BABAM2: variants seen among roughly 807,000 people sequenced by gnomAD.
The protein encoded by BABAM2 is BRISC and BRCA1-A complex member 2.
Under a neutral mutation model 54.7 loss-of-function variants are expected in BABAM2, and 31 were observed. That is an observed-to-expected ratio of 0.57 (90% CI 0.43 to 0.77). The LOEUF (loss-of-function observed/expected upper bound fraction) is 0.77, where lower values mean the gene tolerates loss of function less well. BABAM2 is among the 30% of genes least tolerant of loss of function. The probability of loss-of-function intolerance (pLI) is 0.00; values close to 1 mark genes in which losing one functional copy is unlikely to be tolerated. For missense variants in BABAM2, 364 were observed against 455.8 expected (o/e 0.80, Z 1.83); for synonymous variants, 167 against 162.9 (o/e 1.03, Z -0.19).
Position 28,093,271 on chromosome 2 carries a change from GTTGTT to G in BABAM2, c.571-35987_571-35983del, listed in dbSNP as rs1247054358. On this transcript the variant is annotated intron_variant, in intron 6 of 11. Coordinates refer to ENST00000379624, the MANE Select transcript of BABAM2 (RefSeq NM_199191.3). ...TAGGTTGTTTTGTTTTCTGTTTTGG[GTTGTT>G]TTGTTTTGTTTTAGCATTTTAAGAG... 2.0e-5 allele frequency among the ~76,000 whole-genome samples: 3 copies of G among 152,246 alleles called. No individual in the cohort carries two copies. In the East Asian group the frequency reaches 5.8e-4, roughly 29 times the overall value.
chr2:28,288,186 G>A (rs763976309), intron 10 of BABAM2, among the ~76,000 whole-genome samples: 5 of 152,090 alleles, frequency 3.3e-5, no homozygotes, highest in Admixed American at 6.6e-5. Flanking sequence ...CTCCAGACAG[G>A]GAGAAGGACT....
chr2:27,953,531 A>G (rs1037223860), intron 3 of BABAM2, among the ~76,000 whole-genome samples: 34 of 151,636 alleles, frequency 2.2e-4, no homozygotes, highest in Non-Finnish European at 2.9e-5. Context: ...GGCTCAAGTG[A>G]TCCTCCCTCC....
chr2:28,272,560 C>T (rs1685506169), intron 10 of BABAM2, among the ~76,000 whole-genome samples: 1 of 152,238 alleles, frequency 6.6e-6, no homozygotes, highest in Non-Finnish European at 1.5e-5. Flanking sequence ...GTGAAGCTCA[C>T]TTTTGCTCCA....
chr2:28,011,534 CT>C (rs1031042907), intron 4 of BABAM2, among the ~76,000 whole-genome samples: 1 of 152,172 alleles, frequency 6.6e-6, no homozygotes, highest in Non-Finnish European at 1.5e-5. Flanking sequence ...GGAAGAGGGT[CT>C]GGCAAATATT....
chr2:28,065,342 TG>T (rs1679225491), intron 6 of BABAM2, among the ~76,000 whole-genome samples: 1 of 152,218 alleles, frequency 6.6e-6, no homozygotes, highest in Admixed American at 6.5e-5. Context: ...CAGACTGCTC[TG>T]GCTTCTCACT....
rs1273558902 is a variant in BABAM2, at chr2:28,015,731, C to T, written c.301-9495C>T. On this transcript the variant is annotated intron_variant, in intron 4 of 11. Transcript: ENST00000379624. ...ATTGTGCTTTCTTTATAAGGGAATCCTGATTTTTCTGAATGTTATGGTGAG... is the reference window on the plus strand; with the variant it reads ...ATTGTGCTTTCTTTATAAGGGAATCTTGATTTTTCTGAATGTTATGGTGAG... The T allele has an allele frequency of 4.8e-6, 5 of 1,036,380 alleles. No individual in the cohort carries two copies. In the East Asian group the frequency reaches 2.5e-4, roughly 51 times the overall value. 64.2% of individuals were successfully genotyped at this position (1,036,380 alleles called of 1,614,324 possible). A position where few individuals can be genotyped will look rare whatever the true frequency, so the allele number is the denominator to read the frequency against.
intron 3 of BABAM2, among the ~76,000 whole-genome samples, chr2:27,982,770 G>A (rs557220528): frequency 1.3e-4 from 19 of 151,112 alleles, no homozygotes; most frequent in South Asian, 8.3e-4. Context: ...ACTTGATGTC[G>A]TCAATATTCA....
At chr2:28,058,308 C>T (rs903803454) in intron 6 of BABAM2, among the ~76,000 whole-genome samples, 1 of 151,868 alleles carries the variant, frequency 6.6e-6, no homozygotes, top group African/African-American at 2.4e-5. Flanking sequence ...AGTGTTACAG[C>T]CTTAAATACT....
chr2:28,024,704 C>T (rs1023446442), intron 4 of BABAM2, among the ~76,000 whole-genome samples: 1 of 152,048 alleles, frequency 6.6e-6, no homozygotes, highest in African/African-American at 2.4e-5. Flanking sequence ...CTATTTTATG[C>T]CTATCTTTTT....
chr2:28,226,154 T>C (rs919794053), intron 7 of BABAM2, among the ~76,000 whole-genome samples: 2 of 152,252 alleles, frequency 1.3e-5, no homozygotes, highest in African/African-American at 2.4e-5. Context: ...TGCTCATTCA[T>C]TTACATATTA....
chr2:28,112,228 T>C, intron 6 of BABAM2, among the ~76,000 whole-genome samples: 4 of 126,414 alleles, frequency 3.2e-5, no homozygotes, highest in African/African-American at 5.8e-5. Flanking sequence ...CCTTCCTTCC[T>C]TTAAGTTCTG....
rs1276156012 is a variant in BABAM2, at chr2:28,059,675, A to G, written c.570+13876A>G. Among the ~76,000 whole-genome samples, 7 of 152,340 alleles carry G rather than the reference A, an allele frequency of 4.6e-5. No homozygotes were observed. In the East Asian group the frequency reaches 1.4e-3, roughly 29 times the overall value. ...TACATGAGGTAAAAACTATTTTCAA[A>G]ATAAAATTAAGAATTTCCATACCTC... On this transcript the variant is annotated intron_variant, in intron 6 of 11. Coordinates refer to ENST00000379624, the MANE Select transcript of BABAM2 (RefSeq NM_199191.3).
intron 3 of BABAM2, among the ~76,000 whole-genome samples, chr2:27,956,223 C>G (rs1474464918): frequency 6.6e-6 from 1 of 151,818 alleles, no homozygotes; most frequent in Non-Finnish European, 1.5e-5. Flanking sequence ...TGTTCTGGTT[C>G]CTAACATAAA....
Position 28,298,425 on chromosome 2 carries a change from C to T in BABAM2, c.1022C>T (p.Ser341Phe). 6.2e-7 allele frequency: 1 copy of T among 1,614,158 alleles called. No individual in the cohort carries two copies. The highest frequency in any genetic ancestry group is 2.2e-5 in the East Asian group (1 of 44,876). The change falls in exon 11 of 12, where the codon TCC becomes TTC. Residue 341 changes from serine (S) to phenylalanine (F), a missense_variant. Ser to Phe is a radical substitution (Grantham distance 155, BLOSUM62 -2). Coordinates refer to ENST00000379624, the MANE Select transcript of BABAM2 (RefSeq NM_199191.3). ...YHFTNSGQLY[S>F]QAQKNYPYSP... ...TTTACCAACAGTGGACAGCTTTACT[C>T]CCAGGCCCAAAAAAATTATCCGTAC...
intron 2 of BABAM2, among the ~76,000 whole-genome samples, chr2:27,903,867 A>G (rs1666000944): frequency 6.6e-6 from 1 of 152,092 alleles, no homozygotes; most frequent in Admixed American, 6.5e-5. Flanking sequence ...TTTTTTTTTA[A>G]TTCCTTATTA....
At chr2:28,229,429 G>A (rs940803325) in intron 7 of BABAM2, among the ~76,000 whole-genome samples, 1 of 152,120 alleles carries the variant, frequency 6.6e-6, no homozygotes, top group African/African-American at 2.4e-5. Flanking sequence ...ATGCATTAGT[G>A]CTTAGTAAAT....
intron 6 of BABAM2, among the ~76,000 whole-genome samples, chr2:28,090,342 T>C (rs1361992305): frequency 6.6e-6 from 1 of 152,194 alleles, no homozygotes; most frequent in Non-Finnish European, 1.5e-5. Flanking sequence ...CCTCCTGGGT[T>C]CAGGTGATTC....
intron 3 of BABAM2, among the ~76,000 whole-genome samples, chr2:27,950,104 T>C (rs1190622191): frequency 6.6e-6 from 1 of 152,162 alleles, no homozygotes; most frequent in African/African-American, 2.4e-5. Context: ...TTCAGAGAAA[T>C]CAACTGTGGA....
chr2:28,161,857 G>A (rs556072519), intron 7 of BABAM2, among the ~76,000 whole-genome samples: 1 of 152,164 alleles, frequency 6.6e-6, no homozygotes, highest in African/African-American at 2.4e-5. Context: ...GGGGTAAACT[G>A]AGGGCAGAGA....
Sources: allele counts gnomAD v4.1 joint callset (sites outside exome capture counted in the v4.1 genomes callset), GRCh38; gene constraint gnomAD v4.1.1; transcripts MANE v1.5; gene names NCBI Gene and HGNC (gene_info 2026-07-23, HGNC 2026-07-21).